Variants in PNPLA1 observed in about 807,000 individuals in gnomAD.
PNPLA1 encodes omega-hydroxyceramide transacylase.
A neutral mutation model predicts 51.7 loss-of-function variants in PNPLA1; 36 were observed. The ratio of observed to expected loss-of-function variants is 0.70; its 90% confidence interval spans 0.53 to 0.92. The LOEUF (loss-of-function observed/expected upper bound fraction) is 0.92, where lower values mean the gene tolerates loss of function less well. Ranked by LOEUF, PNPLA1 falls within the 40% of genes least tolerant of loss-of-function variation. PNPLA1 has a pLI of 0.00. For synonymous variants in PNPLA1, 293 were observed against 280.1 expected (o/e 1.05, Z -0.46); for missense variants, 658 against 682.5 (o/e 0.96, Z 0.40).
At chr6:36,273,109 G>A (rs1392635240) in intron 1 of PNPLA1, among the ~76,000 whole-genome samples, 3 of 151,984 alleles carry the variant, frequency 2.0e-5, no homozygotes, top group African/African-American at 4.8e-5. Context: ...AGCCAGGCGT[G>A]GTGGTGCACA....
chr6:36,254,582 CA>C (rs11313429), intron 1 of PNPLA1, among the ~76,000 whole-genome samples: 24,652 of 140,546 alleles, frequency 0.18, 2,486 homozygotes, highest in East Asian at 0.46. Context: ...CTCAAACAAA[CA>C]AAAAAAAAAA....
intron 1 of PNPLA1, among the ~76,000 whole-genome samples, chr6:36,284,421 G>A (rs1180880055): frequency 6.6e-6 from 1 of 152,210 alleles, no homozygotes; most frequent in East Asian, 1.9e-4. Flanking sequence ...ATTTAGGGCA[G>A]AGCAGCAAAA....
intron 5 of PNPLA1, among the ~76,000 whole-genome samples, chr6:36,299,745 C>A (rs1238152094): frequency 6.6e-6 from 1 of 152,198 alleles, no homozygotes; most frequent in Non-Finnish European, 1.5e-5. Context: ...TGACTAATGA[C>A]TTTGAGCATC....
chr6:36,295,328 C>A (rs373458040), intron 4 of PNPLA1, 36 bp from the exon 5 acceptor site: 3 of 1,611,830 alleles, frequency 1.9e-6, no homozygotes, highest in Admixed American at 1.7e-5. Context: ...TTCCTCCCCG[C>A]AGCCTTGGTA....
chr6:36,313,304 C>G lies in PNPLA1; in HGVS notation c.*1418C>G, dbSNP rs1771445058. On this transcript the variant is annotated 3_prime_UTR_variant, in exon 9 of 9. Transcript: ENST00000636260. ...TTCCAGCCTGTCCAGAAAATAATTG[C>G]CCCCCTCCTCCCCAGAGAGCAGACA... Among the ~76,000 whole-genome samples the G allele has an allele frequency of 6.6e-6, 1 of 152,078 alleles. No individual in the cohort carries two copies. The highest frequency in any genetic ancestry group is 2.1e-4 in the South Asian group (1 of 4,824).
At chr6:36,271,316 G>A (rs995756388) in intron 1 of PNPLA1, among the ~76,000 whole-genome samples, 13 of 152,088 alleles carry the variant, frequency 8.5e-5, no homozygotes, top group Admixed American at 6.5e-4. Context: ...ACACTGTCCC[G>A]GACAGCAGAT....
chr6:36,277,666 C>T (rs1165159251), intron 1 of PNPLA1, among the ~76,000 whole-genome samples: 1 of 152,152 alleles, frequency 6.6e-6, no homozygotes, highest in Non-Finnish European at 1.5e-5. Flanking sequence ...GAGTTTGAGG[C>T]CAGACTGGGC....
upstream of PNPLA1, among the ~76,000 whole-genome samples, chr6:36,268,954 C>G (rs6908329): frequency 0.042 from 6,362 of 151,980 alleles, 364 homozygotes; most frequent in African/African-American, 0.13. Flanking sequence ...TATCTGCACA[C>G]ACATGCACAC....
chr6:36,257,947 T>C (rs887044424), intron 1 of PNPLA1, among the ~76,000 whole-genome samples: 4 of 152,230 alleles, frequency 2.6e-5, no homozygotes, highest in African/African-American at 9.6e-5. Context: ...ACTCTCAAAC[T>C]GAAAATGCTC....
intron 1 of PNPLA1, among the ~76,000 whole-genome samples, chr6:36,259,464 C>T (rs1243402161): frequency 2.0e-5 from 3 of 152,014 alleles, no homozygotes; most frequent in Non-Finnish European, 4.4e-5. Context: ...GAAAGATCCC[C>T]GCAATCCCAC....
intron 1 of PNPLA1, among the ~76,000 whole-genome samples, chr6:36,281,072 CA>C (rs1770265461): frequency 6.6e-6 from 1 of 152,236 alleles, no homozygotes; most frequent in Admixed American, 6.5e-5. Context: ...GGATTGCAGG[CA>C]TGAGCCATGG....
At chr6:36,303,315 A>G (rs187228230) in intron 6 of PNPLA1, among the ~76,000 whole-genome samples, 127 of 152,230 alleles carry the variant, frequency 8.3e-4, no homozygotes, top group Middle Eastern at 3.4e-3. Flanking sequence ...GGATGGTCTC[A>G]ATCTCCTGAC....
chr6:36,245,751 A>G (rs938181632), intron 1 of PNPLA1, among the ~76,000 whole-genome samples: 8 of 152,304 alleles, frequency 5.3e-5, no homozygotes, highest in Non-Finnish European at 1.2e-4. Flanking sequence ...CCTGGCAGGA[A>G]CCGTCATCCC....
chr6:36,300,178 T>TGTGTGTGTGTGAGA, intron 5 of PNPLA1, among the ~76,000 whole-genome samples: 22 of 98,142 alleles, frequency 2.2e-4, no homozygotes, highest in African/African-American at 7.3e-4. Flanking sequence ...TGTGTGTGTG[T>TGTGTGTGTGTGAGA]GAGAGAGAGA....
intron 6 of PNPLA1, among the ~76,000 whole-genome samples, chr6:36,306,009 C>T (rs1265357973): frequency 6.6e-6 from 1 of 152,122 alleles, no homozygotes; most frequent in Non-Finnish European, 1.5e-5. Context: ...CCCGCCTTGG[C>T]CTCCCAAAGC....
chr6:36,289,682 G>GC (rs1770616655), intron 1 of PNPLA1, among the ~76,000 whole-genome samples: 1 of 152,084 alleles, frequency 6.6e-6, no homozygotes, highest in African/African-American at 2.4e-5. Context: ...ATCAGTCCAA[G>GC]CCCCAGGGAA....
At chr6:36,277,286 C>T (rs1770132329) in intron 1 of PNPLA1, among the ~76,000 whole-genome samples, 1 of 152,200 alleles carries the variant, frequency 6.6e-6, no homozygotes, top group Non-Finnish European at 1.5e-5. Context: ...AGGGCACAGT[C>T]CTTTAGAGCA....
At chr6:36,244,074 G>C (rs1399219664) in intron 1 of PNPLA1, among the ~76,000 whole-genome samples, 2 of 152,122 alleles carry the variant, frequency 1.3e-5, no homozygotes, top group Non-Finnish European at 2.9e-5. Context: ...TCACAAGTCC[G>C]TCTGATTCTA....
In PNPLA1 at chr6:36,270,363, TG is replaced by T; in HGVS notation, c.-94del. 1 of 1,269,594 alleles carries T rather than the reference TG, an allele frequency of 7.9e-7. No homozygotes were observed. Among genetic ancestry groups the T allele is most frequent in the Non-Finnish European group, 1.1e-6 (1 of 903,580 alleles). 78.6% of individuals were successfully genotyped at this position (1,269,594 alleles called of 1,614,324 possible). A position where few individuals can be genotyped will look rare whatever the true frequency, so the allele number is the denominator to read the frequency against. Reference sequence around the variant, plus strand: ...CCAAGCTCCGGGGTGGCAGGGAAGCTGGGTAGGGAGTTCCTACAGGGAGCGG... The same window carrying T: ...CCAAGCTCCGGGGTGGCAGGGAAGCTGGTAGGGAGTTCCTACAGGGAGCGG... On this transcript the variant is annotated 5_prime_UTR_variant, in exon 1 of 9. Coordinates refer to ENST00000636260, the MANE Select transcript of PNPLA1 (RefSeq NM_001374623.1).
Sources: allele counts gnomAD v4.1 joint callset (sites outside exome capture counted in the v4.1 genomes callset), GRCh38; gene constraint gnomAD v4.1.1; transcripts MANE v1.5; gene names NCBI Gene and HGNC (gene_info 2026-07-23, HGNC 2026-07-21).